Variants in DNAH10 observed in about 807,000 individuals in gnomAD.
DNAH10 encodes the protein axonemal beta dynein heavy chain 10.
A neutral mutation model predicts 506.6 loss-of-function variants in DNAH10; 348 were observed. The observed-to-expected ratio is 0.69, with a 90% CI of 0.63 to 0.75. The LOEUF is 0.75. Among genes scored for constraint, DNAH10 ranks in the 30% least tolerant of loss-of-function variants. The pLI is 0.00. For synonymous variants in DNAH10, 2,059 were observed against 2,198.6 expected, an observed-to-expected ratio of 0.94 and a Z score of 1.78; for missense variants, 5,179 against 5,787.1, an observed-to-expected ratio of 0.89 and a Z score of 3.41.
chr12:123,862,074 T>C (rs572693491), intron 39 of DNAH10, among the ~76,000 whole-genome samples: 1 of 152,330 alleles, frequency 6.6e-6, no homozygotes, highest in African/African-American at 2.4e-5. Context: ...CATGGCTGTT[T>C]GACAGGAAGG....
chr12:123,805,148 A>G (rs1445290145), intron 18 of DNAH10, 108 bp downstream of exon 18: 11 of 1,194,938 alleles, frequency 9.2e-6, no homozygotes, highest in Non-Finnish European at 1.3e-5. Flanking sequence ...AATCAGTTGG[A>G]TGGTCAGAGG....
Position 123,877,908 on chromosome 12 carries a change from G to A in DNAH10, c.8372G>A (p.Arg2791Gln), listed in dbSNP as rs373335218. The part of the protein sequence containing the change: ...FNGLVLTNPE[R>Q]FQTVAQMVRV... ...GGTCTTGTCCTCACTAACCCGGAGCGGTGAGTTTGATTTATCTTACTAAAA... is the reference window on the plus strand; with the variant it reads ...GGTCTTGTCCTCACTAACCCGGAGCAGTGAGTTTGATTTATCTTACTAAAA... Residue 2791 changes from arginine to glutamine, a missense_variant and splice_region_variant, in exon 48 of 79, where the codon CGA becomes CAA. Arg to Gln is a conservative substitution (Grantham distance 43). Coordinates refer to ENST00000673944, the MANE Select transcript of DNAH10 (RefSeq NM_001372106.1). 24 of 1,612,518 alleles carry A rather than the reference G, an allele frequency of 1.5e-5. No homozygotes were observed. Among genetic ancestry groups the A allele is most frequent in the East Asian group, 2.2e-5 (1 of 44,876 alleles).
At chr12:123,808,722 T>C in intron 18 of DNAH10, 75 bp from the exon 19 acceptor site, 1 of 1,525,918 alleles carries the variant, frequency 6.6e-7, no homozygotes, top group Non-Finnish European at 9.0e-7. Flanking sequence ...GTGGCCCTGG[T>C]CATTTCCATC....
rs1480792844 is a variant in DNAH10, at chr12:123,893,219, T to C, written c.8996-14T>C. The C allele has an allele frequency of 1.2e-6, 2 of 1,613,026 alleles. No individual in the cohort carries two copies. The highest frequency in any genetic ancestry group is 2.2e-5 in the South Asian group (2 of 90,960). ...GGGACTCAGAGAGATCACCAGCATG[T>C]CTTCCTTTTCCAGGAATTGTACCTG... On this transcript the variant is annotated splice_polypyrimidine_tract_variant and intron_variant, in intron 52 of 78. Transcript: ENST00000673944.
At chr12:123,896,472 A>G (rs192789781) in intron 54 of DNAH10, among the ~76,000 whole-genome samples, 37 of 152,298 alleles carry the variant, frequency 2.4e-4, no homozygotes, top group Non-Finnish European at 2.1e-4. Context: ...GCCATCATTC[A>G]TTCTTTCAGC....
rs779300986 is a variant in DNAH10, at chr12:123,893,461, C to G, written c.9199+25C>G. The G allele has an allele frequency of 3.1e-6, 5 of 1,611,320 alleles. No homozygotes were observed. In the South Asian group the frequency reaches 5.5e-5, roughly 18 times the overall value. On this transcript the variant is annotated intron_variant, in intron 53 of 78. Transcript: ENST00000673944. ...GGTACCCGCGGTGGAGCCTGTGAACCCATTTCCCCTGCTTTGGCAGAGTGT... is the reference window on the plus strand; with the variant it reads ...GGTACCCGCGGTGGAGCCTGTGAACGCATTTCCCCTGCTTTGGCAGAGTGT...
intron 50 of DNAH10, among the ~76,000 whole-genome samples, 198 bp from the exon 51 acceptor site, chr12:123,881,427 C>T (rs537431327): frequency 6.6e-6 from 1 of 152,190 alleles, no homozygotes; most frequent in Admixed American, 6.5e-5. Context: ...TTTCATGTGT[C>T]TTTTGGCTGC....
intron 6 of DNAH10, 44 bp downstream of exon 6, chr12:123,781,343 T>C (rs1270458246): frequency 6.4e-7 from 1 of 1,557,882 alleles, no homozygotes; most frequent in East Asian, 2.3e-5. Context: ...ATGATTAATT[T>C]ACTGTAGTTG....
At chr12:123,791,185 A>G (rs1187496031) in intron 11 of DNAH10, among the ~76,000 whole-genome samples, 1 of 152,166 alleles carries the variant, frequency 6.6e-6, no homozygotes, top group Non-Finnish European at 1.5e-5. Flanking sequence ...ATACTTCAGG[A>G]AGATTTTTCT....
chr12:123,908,789 AG>A (rs1243015320), intron 57 of DNAH10, among the ~76,000 whole-genome samples: 1 of 152,144 alleles, frequency 6.6e-6, no homozygotes, highest in Admixed American at 6.5e-5. Context: ...GTGTCAGCAC[AG>A]CCAGTCATGC....
At chr12:123,794,154 C>T in intron 12 of DNAH10, 42 bp downstream of exon 12, 1 of 1,090,400 alleles carries the variant, frequency 9.2e-7, no homozygotes, top group Non-Finnish European at 1.1e-6. Flanking sequence ...TAAAAATACA[C>T]TTGGCAAAAT....
chr12:123,784,192 C>T lies in DNAH10; in HGVS notation c.1230+15C>T. The T allele has an allele frequency of 6.2e-7, 1 of 1,604,808 alleles. No individual in the cohort carries two copies. Among genetic ancestry groups the T allele is most frequent in the Non-Finnish European group, 8.5e-7 (1 of 1,171,602 alleles). Reference sequence around the variant, plus strand: ...GTTATTTCAAGGTATGCTGGGTGTGCTGCACTTTGCAGTCAGCTCTGTCAA... The same window carrying T: ...GTTATTTCAAGGTATGCTGGGTGTGTTGCACTTTGCAGTCAGCTCTGTCAA... On this transcript the variant is annotated intron_variant, in intron 8 of 78. Transcript: ENST00000673944.
At chr12:123,867,693 G>T in intron 42 of DNAH10, 92 bp downstream of exon 42, 1 of 1,550,252 alleles carries the variant, frequency 6.5e-7, no homozygotes. Flanking sequence ...ATGCCAGACA[G>T]GGTGAACAGT....
intron 28 of DNAH10, among the ~76,000 whole-genome samples, chr12:123,836,356 T>G (rs1355538191): frequency 6.6e-6 from 1 of 152,246 alleles, no homozygotes; most frequent in Non-Finnish European, 1.5e-5. Context: ...TAATTTGACA[T>G]TTTGTTTGAA....
intron 69 of DNAH10, chr12:123,927,385 C>G (rs1255941507): frequency 6.1e-6 from 1 of 162,712 alleles, no homozygotes; most frequent in East Asian, 1.9e-4. Flanking sequence ...CTTTCACACA[C>G]AGTCCTTACC....
At chr12:123,813,694 A>G (rs1487591589) in intron 20 of DNAH10, 54 bp downstream of exon 20, 2 of 1,612,870 alleles carry the variant, frequency 1.2e-6, no homozygotes, top group South Asian at 1.1e-5. Context: ...TTGGGTCTTC[A>G]TTTGCGCCAT....
intron 28 of DNAH10, among the ~76,000 whole-genome samples, chr12:123,837,983 A>G (rs1279227659): frequency 2.0e-5 from 3 of 152,150 alleles, no homozygotes; most frequent in African/African-American, 7.2e-5. Flanking sequence ...CTCACAGCAG[A>G]TGATTGACCT....
rs751233241 is a variant in DNAH10 at position 123,925,247 on chromosome 12, G to GAATA, written c.11921+46_11921+47insAAAT. 1.2e-6 allele frequency: 2 copies of GAATA among 1,612,268 alleles called. No individual in the cohort carries two copies. Among genetic ancestry groups the GAATA allele is most frequent in the Non-Finnish European group, 1.7e-6 (2 of 1,178,564 alleles). ...TTGATTTGCCACTTTCCGTGGGGTG[G>GAATA]AATCTCTAGCGTCCTCCCACCTTGG... On this transcript the variant is annotated intron_variant, in intron 68 of 78. Transcript: ENST00000673944. The surrounding 1 kb of genome is among the most constrained non-coding windows in gnomAD (Gnocchi z 4.0).
At chr12:123,774,121 C>G (rs762396952) in intron 4 of DNAH10, 28 bp from the exon 5 acceptor site, 1 of 1,493,932 alleles carries the variant, frequency 6.7e-7, no homozygotes, top group Non-Finnish European at 9.1e-7. Context: ...TCCCACTGAC[C>G]TTACATTCTA....
Sources: gnomAD v4.1 joint callset for allele counts (sites outside exome capture counted in the v4.1 genomes callset) on GRCh38, gnomAD v4.1.1 for gene constraint, Gnocchi (gnomAD v3.1) non-coding constraint, MANE v1.5 for transcripts, NCBI Gene and HGNC (gene_info 2026-07-23, HGNC 2026-07-21) for gene names.